Variants in RABGAP1L observed in about 807,000 individuals in gnomAD.
RABGAP1L encodes rab GTPase-activating protein 1-like.
A neutral mutation model predicts 137.7 loss-of-function variants in RABGAP1L; 63 were observed. The ratio of observed to expected loss-of-function variants is 0.46; its 90% CI spans 0.37 to 0.56. RABGAP1L has a LOEUF of 0.56. RABGAP1L is among the 20% of genes least tolerant of loss of function. The probability of loss-of-function intolerance (pLI) is 0.00; values close to 1 mark genes in which losing one functional copy is unlikely to be tolerated. For synonymous variants in RABGAP1L, 431 were observed against 433.7 expected, an observed-to-expected ratio of 0.99 and a Z score of 0.08; for missense variants, 1,095 against 1,244.0, an observed-to-expected ratio of 0.88 and a Z score of 1.80.
chr1:174,389,429 C>T (rs1350605071), intron 12 of RABGAP1L, among the ~76,000 whole-genome samples: 3 of 151,988 alleles, frequency 2.0e-5, no homozygotes, highest in African/African-American at 7.2e-5. Context: ...ACTTTTATCC[C>T]CCTCATCTCT....
chr1:174,171,574 C>G (rs1293628519), intron 1 of RABGAP1L, among the ~76,000 whole-genome samples: 1 of 151,810 alleles, frequency 6.6e-6, no homozygotes, highest in Admixed American at 6.6e-5. Flanking sequence ...TACATTAGCT[C>G]TCTAGACTTA....
At chr1:174,954,702 T>C (rs1668252810) in intron 19 of RABGAP1L, among the ~76,000 whole-genome samples, 1 of 152,206 alleles carries the variant, frequency 6.6e-6, no homozygotes, top group Non-Finnish European at 1.5e-5. Flanking sequence ...GTATTCCTGC[T>C]GTAAAAATAC....
intron 13 of RABGAP1L, among the ~76,000 whole-genome samples, chr1:174,538,810 A>AATACCACATATGTATACCACATATGT (rs1413355395): frequency 6.6e-6 from 1 of 152,220 alleles, no homozygotes; most frequent in Admixed American, 6.5e-5. Flanking sequence ...TAAGTCCCGT[A>AATACCACATATGTATACCACATATGT]ATACCACATA....
intron 13 of RABGAP1L, among the ~76,000 whole-genome samples, chr1:174,537,396 C>T (rs868355030): frequency 3.3e-5 from 5 of 152,262 alleles, no homozygotes; most frequent in Middle Eastern, 3.4e-3. Context: ...CTGGAGAAAT[C>T]AGTGAAGCCT....
intron 13 of RABGAP1L, among the ~76,000 whole-genome samples, chr1:174,499,124 A>T (rs927897900): frequency 6.6e-6 from 1 of 152,248 alleles, no homozygotes; most frequent in Non-Finnish European, 1.5e-5. Flanking sequence ...GAGTTTCTTT[A>T]TGCAAAATTG....
chr1:174,301,086 G>T (rs1004121071), intron 10 of RABGAP1L, among the ~76,000 whole-genome samples: 3 of 152,008 alleles, frequency 2.0e-5, no homozygotes, highest in Admixed American at 2.0e-4. Flanking sequence ...GGATCCCACG[G>T]CCACTGTGAC....
At chr1:174,778,944 C>T (rs1322913825) in intron 18 of RABGAP1L, among the ~76,000 whole-genome samples, 1 of 152,114 alleles carries the variant, frequency 6.6e-6, no homozygotes, top group Admixed American at 6.6e-5. Flanking sequence ...GTCGTAAATA[C>T]ACTTTTCAAA....
intron 10 of RABGAP1L, among the ~76,000 whole-genome samples, chr1:174,279,938 G>A (rs958896368): frequency 1.3e-5 from 2 of 151,988 alleles, no homozygotes; most frequent in Non-Finnish European, 2.9e-5. Context: ...TGTATAGAAA[G>A]TTGTCATTCT....
chr1:174,466,862 T>A (rs998524333), intron 13 of RABGAP1L, among the ~76,000 whole-genome samples: 3 of 152,220 alleles, frequency 2.0e-5, no homozygotes, highest in Non-Finnish European at 4.4e-5. Context: ...TTTTTATTCA[T>A]CACTTGTTAC....
At chr1:174,405,590 C>A (rs1649165890) in intron 13 of RABGAP1L, among the ~76,000 whole-genome samples, 1 of 152,150 alleles carries the variant, frequency 6.6e-6, no homozygotes, top group Admixed American at 6.5e-5. Flanking sequence ...TTACTAACCA[C>A]AACAATGAGG....
chr1:174,514,850 T>G (rs77358068), intron 13 of RABGAP1L, among the ~76,000 whole-genome samples: 1 of 152,230 alleles, frequency 6.6e-6, no homozygotes, highest in African/African-American at 2.4e-5. Flanking sequence ...TCAATCATTT[T>G]AGTCTTAGAA....
chr1:174,485,428 G>A (rs1229357022), intron 13 of RABGAP1L, among the ~76,000 whole-genome samples: 1 of 152,120 alleles, frequency 6.6e-6, no homozygotes, highest in Non-Finnish European at 1.5e-5. Flanking sequence ...GATCTTAGAG[G>A]AAAGGCTTTC....
intron 19 of RABGAP1L, among the ~76,000 whole-genome samples, chr1:174,939,164 TTTGA>T (rs1309362719): frequency 6.6e-6 from 1 of 152,254 alleles, no homozygotes; most frequent in Non-Finnish European, 1.5e-5. Flanking sequence ...TTGAACATAC[TTTGA>T]TTGATAGGTA....
chr1:174,626,096 T>C (rs572185849), intron 13 of RABGAP1L, among the ~76,000 whole-genome samples: 71 of 152,342 alleles, frequency 4.7e-4, no homozygotes, highest in African/African-American at 1.6e-3. Flanking sequence ...CCTGTTGATA[T>C]TAATTCCAAA....
intron 13 of RABGAP1L, among the ~76,000 whole-genome samples, chr1:174,511,483 AG>A (rs1662333893): frequency 6.6e-6 from 1 of 152,192 alleles, no homozygotes; most frequent in Non-Finnish European, 1.5e-5. Context: ...AGAAATTAAA[AG>A]TTCATGCTTT....
intron 15 of RABGAP1L, among the ~76,000 whole-genome samples, chr1:174,698,041 C>A (rs1679390810): frequency 6.6e-6 from 1 of 152,172 alleles, no homozygotes; most frequent in East Asian, 1.9e-4. Context: ...TCTTGTACAA[C>A]TGCATTTCTA....
At chr1:174,910,016 G>A (rs1293461795) in intron 19 of RABGAP1L, among the ~76,000 whole-genome samples, 1 of 152,140 alleles carries the variant, frequency 6.6e-6, no homozygotes, top group Non-Finnish European at 1.5e-5. Context: ...GCGGGTGTCT[G>A]TAGTCCCAGC....
intron 19 of RABGAP1L, among the ~76,000 whole-genome samples, chr1:174,943,143 C>G (rs1417038415): frequency 1.3e-5 from 2 of 152,202 alleles, no homozygotes; most frequent in Non-Finnish European, 2.9e-5. Context: ...AGCAACTGGC[C>G]TTAAGTCCCT....
At position 174,233,266 on chromosome 1, in the gene RABGAP1L, ATT is replaced by A. The variant is rs34674306; in HGVS notation, c.542+1921_542+1922del. ...TAAGATGTGCAAGAATATGAAGATA[ATT>A]TTTTTTTTTATTATACTTTAAGTTT... On this transcript the variant is annotated intron_variant, in intron 4 of 25. Coordinates refer to ENST00000681986, the MANE Select transcript of RABGAP1L (RefSeq NM_001366446.1). 7.4e-3 allele frequency among the ~76,000 whole-genome samples: 1,117 copies of A among 150,080 alleles called. 11 individuals are homozygous for A. The highest frequency in any genetic ancestry group is 0.017 in the Middle Eastern group (5 of 292).
Sources: allele counts gnomAD v4.1 joint callset (sites outside exome capture counted in the v4.1 genomes callset), GRCh38; gene constraint gnomAD v4.1.1; transcripts MANE v1.5; gene names NCBI Gene and HGNC (gene_info 2026-07-23, HGNC 2026-07-21).